Variants in TDRD9 observed in about 807,000 individuals in gnomAD.
TDRD9 encodes the protein ATP-dependent RNA helicase TDRD9.
Under a neutral mutation model 172.6 loss-of-function variants are expected in TDRD9, and 124 were observed. The ratio of observed to expected loss-of-function variants is 0.72; its 90% CI spans 0.62 to 0.83. TDRD9 has a LOEUF of 0.83. Ranked by LOEUF, TDRD9 falls within the 40% of genes least tolerant of loss-of-function variation. The probability of loss-of-function intolerance (pLI) is 0.00; values close to 1 mark genes in which losing one functional copy is unlikely to be tolerated. For synonymous variants in TDRD9, 619 were observed against 617.1 expected (o/e 1.00, Z -0.05); for missense variants, 1,479 against 1,714.1 (o/e 0.86, Z 2.42).
chr14:103,956,794 T>C (rs1273774926), intron 2 of TDRD9, among the ~76,000 whole-genome samples: 3 of 152,240 alleles, frequency 2.0e-5, no homozygotes, highest in Non-Finnish European at 4.4e-5. Context: ...CACCGTTAGT[T>C]ACTTTCTGTG....
chr14:103,963,850 A>G (rs1164173662), intron 3 of TDRD9, among the ~76,000 whole-genome samples: 1 of 152,224 alleles, frequency 6.6e-6, no homozygotes, highest in Non-Finnish European at 1.5e-5. Flanking sequence ...ATTAATTTGT[A>G]TTTCCTGACC....
intron 2 of TDRD9, among the ~76,000 whole-genome samples, chr14:103,959,526 A>T (rs1233493575): frequency 6.7e-6 from 1 of 149,724 alleles, no homozygotes. Context: ...AGCTATTTCT[A>T]TGTCTATTTC....
chr14:103,970,894 T>C (rs1014251112), intron 6 of TDRD9, among the ~76,000 whole-genome samples: 3 of 152,262 alleles, frequency 2.0e-5, no homozygotes, highest in Non-Finnish European at 2.9e-5. Context: ...CTATACTCTA[T>C]TTTTTAAATT....
At chr14:104,044,531 C>G (rs2035709021) in intron 34 of TDRD9, among the ~76,000 whole-genome samples, 1 of 152,196 alleles carries the variant, frequency 6.6e-6, no homozygotes, top group South Asian at 2.1e-4. Flanking sequence ...TTTGCCTTCT[C>G]TGACATTTTT....
intron 34 of TDRD9, 108 bp from the exon 35 acceptor site, chr14:104,049,500 G>T: frequency 1.2e-6 from 1 of 850,020 alleles, no homozygotes; most frequent in Non-Finnish European, 1.8e-6. Context: ...GTTTATTCTA[G>T]TTCCAATTCT....
intron 2 of TDRD9, among the ~76,000 whole-genome samples, chr14:103,958,697 G>A (rs1300305492): frequency 1.3e-5 from 2 of 152,224 alleles, no homozygotes; most frequent in African/African-American, 2.4e-5. Flanking sequence ...GATAAGGCAA[G>A]GGAATAGATT....
intron 1 of TDRD9, among the ~76,000 whole-genome samples, chr14:103,931,485 A>G (rs1393260870): frequency 6.6e-6 from 1 of 152,208 alleles, no homozygotes; most frequent in Non-Finnish European, 1.5e-5. Flanking sequence ...AGTTTCCAGC[A>G]CGTAGCAGGC....
chr14:103,960,890 G>T (rs746796286), intron 2 of TDRD9, among the ~76,000 whole-genome samples: 1 of 152,190 alleles, frequency 6.6e-6, no homozygotes, highest in Non-Finnish European at 1.5e-5. Context: ...TGTGAGCCAG[G>T]GCTTGAAGTC....
At chr14:104,005,532 TC>T in intron 15 of TDRD9, 127 bp downstream of exon 15, 1 of 972,788 alleles carries the variant, frequency 1.0e-6, no homozygotes, top group South Asian at 1.7e-5. Flanking sequence ...CTAACTCTGT[TC>T]CTCCTGCCTC....
intron 2 of TDRD9, among the ~76,000 whole-genome samples, chr14:103,960,575 C>G (rs2032460270): frequency 6.6e-6 from 1 of 152,180 alleles, no homozygotes; most frequent in Non-Finnish European, 1.5e-5. Flanking sequence ...TATTCTGTTG[C>G]TGATGCAAAG....
At chr14:104,034,171 CT>C in intron 31 of TDRD9, 102 bp downstream of exon 31, 1 of 516,578 alleles carries the variant, frequency 1.9e-6, no homozygotes, top group South Asian at 2.4e-5. Context: ...CAAGTCTACA[CT>C]ATGTACTATT....
intron 3 of TDRD9, 112 bp downstream of exon 3, chr14:103,963,288 T>C: frequency 1.4e-6 from 1 of 719,498 alleles, no homozygotes; most frequent in African/African-American, 1.8e-5. Context: ...ACTTCTGTGG[T>C]GTACAAGGTT....
At chr14:104,037,832 C>T (rs146124998) in intron 32 of TDRD9, among the ~76,000 whole-genome samples, 211 of 152,300 alleles carry the variant, frequency 1.4e-3, no homozygotes, top group Admixed American at 3.7e-3. Flanking sequence ...CATCTGTCCC[C>T]GGAGTGCGTC....
Position 104,032,060 on chromosome 14 carries a change from A to G in TDRD9, c.3482A>G (p.His1161Arg), listed in dbSNP as rs2035298975. 2.0e-5 allele frequency: 31 copies of G among 1,548,412 alleles called. No homozygotes were observed. The highest frequency in any genetic ancestry group is 2.7e-5 in the Non-Finnish European group (31 of 1,146,198). The change falls in exon 30 of 36, where the codon CAT (histidine) becomes CGT (arginine). Residue 1161 changes from histidine to arginine, a missense_variant. Transcript: ENST00000409874. ...TTTAACCCTTATGAACTAAAGTGCC[A>G]TAGTTTGACCAGAATATCCAAATTC... Reference protein sequence around the residue: ...GPFNPYELKCHSLTRISKFRC... With the variant: ...GPFNPYELKCRSLTRISKFRC...
At chr14:103,941,426 T>C in intron 1 of TDRD9, 2 of 1,535,260 alleles carry the variant, frequency 1.3e-6, no homozygotes, top group Non-Finnish European at 1.7e-6. Flanking sequence ...TTTGGCAAGG[T>C]TGAACTTGTG....
At chr14:104,006,246 A>G in intron 15 of TDRD9, 143 bp from the exon 16 acceptor site, 1 of 639,674 alleles carries the variant, frequency 1.6e-6, no homozygotes. Flanking sequence ...TTTTTTTGGT[A>G]ACATATCAAC....
At chr14:104,034,451 A>G (rs866006421) in intron 31 of TDRD9, among the ~76,000 whole-genome samples, 30 of 152,200 alleles carry the variant, frequency 2.0e-4, no homozygotes, top group South Asian at 1.5e-3. Flanking sequence ...TGGCCTCCCA[A>G]AGTACTGGGA....
intron 32 of TDRD9, among the ~76,000 whole-genome samples, chr14:104,037,170 G>A (rs950237536): frequency 2.0e-5 from 3 of 151,548 alleles, no homozygotes; most frequent in African/African-American, 4.9e-5. Flanking sequence ...CAGGAGGGGG[G>A]TCTTCAGTAC....
intron 2 of TDRD9, among the ~76,000 whole-genome samples, chr14:103,962,651 G>A (rs769679558): frequency 3.3e-5 from 5 of 151,850 alleles, no homozygotes; most frequent in Non-Finnish European, 5.9e-5. Context: ...TCTTCTTCTT[G>A]GAGTCCCTAG....
Sources: allele counts gnomAD v4.1 joint callset (sites outside exome capture counted in the v4.1 genomes callset), GRCh38; gene constraint gnomAD v4.1.1; transcripts MANE v1.5; gene names NCBI Gene and HGNC (gene_info 2026-07-23, HGNC 2026-07-21).